NUDT6: variants seen among roughly 807,000 people sequenced by gnomAD.
NUDT6 encodes the protein nudix hydrolase 6, also known as FAD diphosphatase NUDT6.
In NUDT6, 24 loss-of-function variants were observed where a neutral mutation model predicts 36.8. The observed-to-expected ratio is 0.65, with a 90% CI of 0.47 to 0.92. NUDT6 has a LOEUF of 0.92. NUDT6 is among the 40% of genes least tolerant of loss of function. The pLI, the probability that NUDT6 is intolerant of heterozygous loss-of-function variation, is 0.00. For synonymous variants in NUDT6, 163 were observed against 157.0 expected, an observed-to-expected ratio of 1.04 and a Z score of -0.29; for missense variants, 388 against 392.8, an observed-to-expected ratio of 0.99 and a Z score of 0.10.
At position 122,918,166 on chromosome 4, in the gene NUDT6, GTT is replaced by G. The variant is rs568443063; in HGVS notation, c.239-464_239-463del. On this transcript the variant is annotated intron_variant, in intron 1 of 4. Transcript: ENST00000304430. Reference sequence around the variant, plus strand: ...ATAAATTTCAAGGTAGTTAAACTTTGTTTTTAAATAATGTATGCTGGTTGTAG... The same window carrying G: ...ATAAATTTCAAGGTAGTTAAACTTTGTTTAAATAATGTATGCTGGTTGTAG... 566 of 154,118 alleles carry G rather than the reference GTT, an allele frequency of 3.7e-3. 3 individuals are homozygous for G. Among genetic ancestry groups the G allele is most frequent in the South Asian group, 6.5e-3 (32 of 4,956 alleles). 9.5% of individuals were successfully genotyped at this position (154,118 alleles called of 1,614,324 possible).
chr4:122,901,320 G>T (rs1727519687), intron 3 of NUDT6, among the ~76,000 whole-genome samples: 1 of 151,774 alleles, frequency 6.6e-6, no homozygotes, highest in Non-Finnish European at 1.5e-5. Context: ...ACTACAAAAG[G>T]TATAGTATCC....
chr4:122,895,044 G>A (rs915003139), intron 4 of NUDT6: 2 of 152,200 alleles, frequency 1.3e-5, no homozygotes, highest in African/African-American at 4.8e-5. Context: ...CACTGCCTGA[G>A]TAGTTTTGAT....
At position 122,922,586 on chromosome 4, in the gene NUDT6, A is replaced by G. The variant is rs77088263; in HGVS notation, c.-14T>C. ...TGGCTGCCGCATCTCCACGCCGCTT[A>G]ATTCGTCCGTTGCCCAAATGACCCC... On this transcript the variant is annotated 5_prime_UTR_variant, in exon 1 of 5. Coordinates refer to ENST00000304430, the MANE Select transcript of NUDT6 (RefSeq NM_007083.5). 0.12 allele frequency: 195,237 copies of G among 1,584,544 alleles called. 13,014 individuals carry two copies. Among genetic ancestry groups the G allele is most frequent in the Middle Eastern group, 0.18 (958 of 5,390 alleles).
At chr4:122,912,501 A>G (rs946818643) in intron 3 of NUDT6, 67 bp downstream of exon 3, 44 of 1,144,026 alleles carry the variant, frequency 3.8e-5, no homozygotes, top group Non-Finnish European at 5.2e-5. Flanking sequence ...TAAAATTTCT[A>G]TATTTTATTC....
intron 3 of NUDT6, among the ~76,000 whole-genome samples, chr4:122,899,564 C>A (rs1001154506): frequency 2.6e-5 from 4 of 152,086 alleles, no homozygotes; most frequent in African/African-American, 7.2e-5. Context: ...TAGTTAATGT[C>A]CTAGATATGA....
chr4:122,921,995 C>T (rs1203884829), intron 1 of NUDT6: 2 of 277,680 alleles, frequency 7.2e-6, no homozygotes, highest in Admixed American at 1.1e-4. Flanking sequence ...TCCAAATTAA[C>T]TCTCAGTAAT....
At chr4:122,915,205 C>T (rs754346725) in intron 2 of NUDT6, among the ~76,000 whole-genome samples, 34 of 152,246 alleles carry the variant, frequency 2.2e-4, no homozygotes, top group Non-Finnish European at 3.8e-4. Flanking sequence ...CTATTCCAGC[C>T]ACATCTGCCT....
Position 122,910,348 on chromosome 4 carries a change from T to C in NUDT6, c.498+2220A>G, listed in dbSNP as rs188563064. On this transcript the variant is annotated intron_variant, in intron 3 of 4. Coordinates refer to ENST00000304430, the MANE Select transcript of NUDT6 (RefSeq NM_007083.5). The stretch of plus-strand genomic sequence containing the variant: ...GGTTTGGAGTAAGACAATTCAGCTA[T>C]ATCTGCCAGGAAAGCTCCTTTTTTT... Among the ~76,000 whole-genome samples, 12 of 152,334 alleles carry C rather than the reference T, an allele frequency of 7.9e-5. No individual in the cohort carries two copies. The East Asian group carries it at 1.7e-3, about 22-fold the overall frequency.
intron 3 of NUDT6, among the ~76,000 whole-genome samples, chr4:122,908,863 C>T (rs1305995507): frequency 2.0e-5 from 3 of 152,118 alleles, no homozygotes; most frequent in Admixed American, 6.6e-5. Flanking sequence ...ACTGCTGAAT[C>T]ATGTGTTCTC....
Position 122,892,922 on chromosome 4 carries a change from A to G in NUDT6, c.857T>C (p.Val286Ala). 1 of 1,614,132 alleles carries G rather than the reference A, an allele frequency of 6.2e-7. No individual in the cohort carries two copies. Among genetic ancestry groups the G allele is most frequent in the South Asian group, 1.1e-5 (1 of 91,086 alleles). Residue 286 changes from valine (V) to alanine (A), a missense_variant, in exon 5 of 5, where the codon GTG becomes GCG. Coordinates refer to ENST00000304430, the MANE Select transcript of NUDT6 (RefSeq NM_007083.5). ...REGFDKIDLT[V>A]EELPAVYTGL... ...TGTGTAAACTGCTGGAAGTTCTTCC[A>G]CAGTCAGGTCAATTTTGTCAAACCC... is the stretch of plus-strand genomic sequence containing the variant.
At position 122,892,702 on chromosome 4, in the gene NUDT6, A is replaced by G; in HGVS notation, c.*126T>C. ...GCTTTTAAAATGTGCATGTTTAGAA[A>G]CAAAATTTCTTCATGGAAATCATAT... On this transcript the variant is annotated 3_prime_UTR_variant, in exon 5 of 5. Coordinates refer to ENST00000304430, the MANE Select transcript of NUDT6 (RefSeq NM_007083.5). 1.5e-6 allele frequency: 2 copies of G among 1,357,190 alleles called. No individual in the cohort carries two copies. The highest frequency in any genetic ancestry group is 2.5e-5 in the East Asian group (1 of 39,660). The allele number at this position is 1,357,190 out of a possible 1,614,324, so 84.1% of individuals were successfully genotyped here.
intron 3 of NUDT6, 103 bp downstream of exon 3, chr4:122,912,465 A>C: frequency 2.6e-6 from 2 of 784,160 alleles, no homozygotes; most frequent in Non-Finnish European, 4.2e-6. Flanking sequence ...TTTTTAAAAT[A>C]CCTTTCTATA....
intron 1 of NUDT6, chr4:122,920,717 T>C (rs1727957054): frequency 6.6e-6 from 1 of 152,212 alleles, no homozygotes. Flanking sequence ...TAAGTATCAG[T>C]GGGTACAACA....
chr4:122,915,618 T>C (rs1727822887), intron 2 of NUDT6, among the ~76,000 whole-genome samples: 1 of 152,216 alleles, frequency 6.6e-6, no homozygotes, highest in Admixed American at 6.5e-5. Flanking sequence ...TTCTTTGAAC[T>C]GCTCTGACAC....
At chr4:122,917,754 A>G in intron 1 of NUDT6, 50 bp from the exon 2 acceptor site, 3 of 1,563,574 alleles carry the variant, frequency 1.9e-6, no homozygotes, top group Non-Finnish European at 2.6e-6. Flanking sequence ...GACGAGTGGA[A>G]TAAATTAAAA....
intron 3 of NUDT6, among the ~76,000 whole-genome samples, chr4:122,904,586 A>T (rs1727582473): frequency 1.3e-5 from 2 of 151,946 alleles, no homozygotes; most frequent in South Asian, 4.2e-4. Flanking sequence ...CCTTCCAAGT[A>T]GCTTGGATTA....
intron 1 of NUDT6, chr4:122,920,598 C>CTA (rs1727954162): frequency 6.6e-6 from 1 of 152,244 alleles, no homozygotes; most frequent in African/African-American, 2.4e-5. Flanking sequence ...TGGCTAAGCA[C>CTA]ATGGCAGAAC....
intron 2 of NUDT6, among the ~76,000 whole-genome samples, chr4:122,915,270 C>G (rs1727805424): frequency 6.6e-6 from 1 of 151,986 alleles, no homozygotes; most frequent in Non-Finnish European, 1.5e-5. Flanking sequence ...AAACTCTGCA[C>G]CCCAGCCTGG....
At chr4:122,893,796 A>G (rs911078607) in intron 4 of NUDT6, 1 of 152,192 alleles carries the variant, frequency 6.6e-6, no homozygotes, top group Non-Finnish European at 1.5e-5. Flanking sequence ...TGCTTTTTCT[A>G]CACATCCAGA....
Sources: gnomAD v4.1 joint callset for allele counts (sites outside exome capture counted in the v4.1 genomes callset) on GRCh38, gnomAD v4.1.1 for gene constraint, MANE v1.5 for transcripts, NCBI Gene and HGNC (gene_info 2026-07-23, HGNC 2026-07-21) for gene names.